The following MAPK8 variants were observed in gnomAD, a reference collection of about 807,000 sequenced individuals.
MAPK8 encodes JUN N-terminal kinase.
MAPK8 carries 13 observed loss-of-function variants against 52.9 expected under a neutral mutation model. That is an observed-to-expected ratio of 0.25 (90% CI 0.16 to 0.39). The LOEUF is 0.39. Ranked by LOEUF, MAPK8 falls within the 10% of genes least tolerant of loss-of-function variation. MAPK8 has a pLI of 1.00. For missense variants in MAPK8, 300 were observed against 519.2 expected, an observed-to-expected ratio of 0.58 and a Z score of 4.10; for synonymous variants, 191 against 169.8, an observed-to-expected ratio of 1.12 and a Z score of -0.97.
intron 1 of MAPK8, among the ~76,000 whole-genome samples, chr10:48,385,815 G>A (rs746126647): frequency 2.3e-4 from 35 of 151,918 alleles, no homozygotes; most frequent in Non-Finnish European, 4.9e-4. Context: ...AGTAGTTTTT[G>A]CCCCATCTTG....
At chr10:48,401,920 C>T (rs2042179751) in intron 2 of MAPK8, 138 bp downstream of exon 2, 2 of 618,644 alleles carry the variant, frequency 3.2e-6, no homozygotes, top group South Asian at 8.8e-5. Flanking sequence ...GAAAACTATT[C>T]CACAGTAAAT....
Position 48,424,131 on chromosome 10 carries a change from C to T in MAPK8, c.660C>T (p.Cys220=). 6.2e-7 allele frequency: 1 copy of T among 1,612,882 alleles called. No homozygotes were observed. The highest frequency in any genetic ancestry group is 8.5e-7 in the Non-Finnish European group (1 of 1,179,266). ...GGTGCATTATGGGAGAAATGGTTTGCCACAAAATCCTCTTTCCAGGAAGGG... is the reference window on the plus strand; with the variant it reads ...GGTGCATTATGGGAGAAATGGTTTGTCACAAAATCCTCTTTCCAGGAAGGG... ...SVGCIMGEMV[C]HKILFPGRDY... Residue 220 remains cysteine (C), a synonymous_variant, in exon 7 of 12, where the codon TGC becomes TGT. Coordinates refer to ENST00000374189, the MANE Select transcript of MAPK8 (RefSeq NM_001323329.2).
chr10:48,375,394 A>G (rs75394752), intron 1 of MAPK8, among the ~76,000 whole-genome samples: 6 of 152,202 alleles, frequency 3.9e-5, no homozygotes, highest in Non-Finnish European at 5.9e-5. Flanking sequence ...GGCCAGGGCA[A>G]TCAGGCAAGA....
rs559484133 is a variant in MAPK8 at position 48,321,892 on chromosome 10, G to C, written c.-50+15071G>C. ...TTCCCACGGTGTGTTGATTACTGTA[G>C]TTCAGAATTTTTTGAAAGTTGTGTT... On this transcript the variant is annotated intron_variant, in intron 1 of 11. Transcript: ENST00000374189. 7.3e-4 allele frequency among the ~76,000 whole-genome samples: 111 copies of C among 152,246 alleles called. 1 individual carries two copies. The highest frequency in any genetic ancestry group is 1.5e-5 in the Non-Finnish European group (1 of 68,024).
intron 11 of MAPK8, among the ~76,000 whole-genome samples, chr10:48,432,271 T>C (rs899284865): frequency 4.6e-5 from 7 of 152,234 alleles, no homozygotes; most frequent in African/African-American, 1.7e-4. Flanking sequence ...TAGCATCTTG[T>C]ATATGGGTAA....
At chr10:48,324,384 C>T (rs900906072) in intron 1 of MAPK8, among the ~76,000 whole-genome samples, 3 of 152,082 alleles carry the variant, frequency 2.0e-5, no homozygotes, top group Non-Finnish European at 4.4e-5. Flanking sequence ...TATTCTGCCC[C>T]TCTCCTCCAA....
In MAPK8 at chr10:48,343,579, C is replaced by T. The variant is rs528736061; in HGVS notation, c.-50+36758C>T. On this transcript the variant is annotated intron_variant, in intron 1 of 11. Coordinates refer to ENST00000374189, the MANE Select transcript of MAPK8 (RefSeq NM_001323329.2). ...ATGCTTCAAGGATTCAATTGATCAG[C>T]AATGTCAGGTGTTTCTGAAAGATTA... 2.0e-5 allele frequency among the ~76,000 whole-genome samples: 3 copies of T among 152,298 alleles called. No homozygotes were observed. The South Asian group carries it at 6.2e-4, about 32-fold the overall frequency.
intron 1 of MAPK8, among the ~76,000 whole-genome samples, chr10:48,340,934 T>A (rs1845195558): frequency 1.3e-5 from 2 of 152,210 alleles, no homozygotes; most frequent in Non-Finnish European, 2.9e-5. Context: ...TTCTGCACAG[T>A]GTTCTGGAAA....
chr10:48,320,907 G>A (rs1037389258), intron 1 of MAPK8, among the ~76,000 whole-genome samples: 1 of 152,060 alleles, frequency 6.6e-6, no homozygotes, highest in Non-Finnish European at 1.5e-5. Context: ...CTTGAAAATA[G>A]CCACCTGATG....
At chr10:48,337,515 A>G (rs1844810805) in intron 1 of MAPK8, among the ~76,000 whole-genome samples, 1 of 152,172 alleles carries the variant, frequency 6.6e-6, no homozygotes, top group South Asian at 2.1e-4. Context: ...ATCTCAAATT[A>G]ACAACCTAAC....
intron 1 of MAPK8, among the ~76,000 whole-genome samples, chr10:48,385,682 TA>T (rs368757124): frequency 2.0e-5 from 3 of 152,312 alleles, no homozygotes; most frequent in Admixed American, 6.5e-5. Flanking sequence ...AGATAGAGCA[TA>T]AAATTCAAGC....
chr10:48,320,230 TTTTTTTTTTTTTTA>T (rs1842873006), intron 1 of MAPK8, among the ~76,000 whole-genome samples: 2 of 129,694 alleles, frequency 1.5e-5, no homozygotes, highest in African/African-American at 6.5e-5. Flanking sequence ...TTTTTTTTTT[TTTTTTTTTTTTTTA>T]AATTAGATCA....
chr10:48,431,037 A>G lies in MAPK8; in HGVS notation c.1061-156A>G, dbSNP rs2044194350. Reference sequence around the variant, plus strand: ...TGTCAAGGAATTGTTATTAATTAACATCCTTGAATCTTAGGCCGACATTTA... The same window carrying G: ...TGTCAAGGAATTGTTATTAATTAACGTCCTTGAATCTTAGGCCGACATTTA... On this transcript the variant is annotated intron_variant, in intron 10 of 11. Coordinates refer to ENST00000374189, the MANE Select transcript of MAPK8 (RefSeq NM_001323329.2). 11 of 647,834 alleles carry G rather than the reference A, an allele frequency of 1.7e-5. No individual in the cohort carries two copies. In the East Asian group the frequency reaches 2.8e-4, roughly 17 times the overall value. The allele number at this position is 647,834 out of a possible 1,614,324, so 40.1% of individuals were successfully genotyped here.
At chr10:48,312,321 A>G (rs184832156) in intron 1 of MAPK8, among the ~76,000 whole-genome samples, 9 of 152,336 alleles carry the variant, frequency 5.9e-5, no homozygotes, top group Middle Eastern at 3.4e-3. Context: ...GATGCTACTC[A>G]GGTACTAACC....
chr10:48,400,877 A>G (rs928574786), intron 1 of MAPK8, among the ~76,000 whole-genome samples: 2 of 152,224 alleles, frequency 1.3e-5, no homozygotes, highest in Non-Finnish European at 2.9e-5. Context: ...TAATCCTACA[A>G]GTAGTAAAGG....
At chr10:48,425,856 A>G (rs200392981) in intron 7 of MAPK8, 32 bp from the exon 8 acceptor site, 164 of 629,334 alleles carry the variant, frequency 2.6e-4, no homozygotes, top group Middle Eastern at 2.1e-3. Context: ...AACATTAGTT[A>G]TGGAGTATTT....
intron 1 of MAPK8, among the ~76,000 whole-genome samples, chr10:48,307,589 T>C (rs1372855430): frequency 6.6e-6 from 1 of 152,246 alleles, no homozygotes; most frequent in Admixed American, 6.5e-5. Context: ...CATTTTAAAG[T>C]ACCCTGATGA....
intron 1 of MAPK8, among the ~76,000 whole-genome samples, chr10:48,307,362 A>G (rs1242522257): frequency 2.6e-5 from 4 of 152,180 alleles, no homozygotes; most frequent in Non-Finnish European, 4.4e-5. Context: ...GCAGCGCTGA[A>G]AAGGGCCAGA....
At position 48,384,560 on chromosome 10, in the gene MAPK8, A is replaced by C. The variant is rs73296791; in HGVS notation, c.-49-17052A>C. On this transcript the variant is annotated intron_variant, in intron 1 of 11. Coordinates refer to ENST00000374189, the MANE Select transcript of MAPK8 (RefSeq NM_001323329.2). ...AGAAAAAGGGCAAAAAAAGCATAAT[A>C]TATGTGTGGACTCAGCATGGATAGC... Among the ~76,000 whole-genome samples, 631 of 152,316 alleles carry C rather than the reference A, an allele frequency of 4.1e-3. 6 individuals carry two copies. Among genetic ancestry groups the C allele is most frequent in the East Asian group, 0.017 (89 of 5,178 alleles).
Sources: allele counts gnomAD v4.1 joint callset (sites outside exome capture counted in the v4.1 genomes callset), GRCh38; gene constraint gnomAD v4.1.1; transcripts MANE v1.5; gene names NCBI Gene and HGNC (gene_info 2026-07-23, HGNC 2026-07-21).